HS6ST3: variants seen among roughly 807,000 people sequenced by gnomAD.
The protein encoded by HS6ST3 is heparan-sulfate 6-O-sulfotransferase 3.
Under a neutral mutation model 36.7 loss-of-function variants are expected in HS6ST3, and 12 were observed. The observed-to-expected ratio is 0.33, with a 90% CI of 0.21 to 0.53. The LOEUF is 0.53. Ranked by LOEUF, HS6ST3 falls within the 20% of genes least tolerant of loss-of-function variation. HS6ST3 has a pLI of 0.95. For missense variants in HS6ST3, 584 were observed against 640.9 expected (o/e 0.91, Z 0.96); for synonymous variants, 240 against 257.5 (o/e 0.93, Z 0.65).
At chr13:96,228,510 C>T (rs1159451190) in intron 1 of HS6ST3, among the ~76,000 whole-genome samples, 1 of 152,184 alleles carries the variant, frequency 6.6e-6, no homozygotes, top group Non-Finnish European at 1.5e-5. Flanking sequence ...AAGTGATCCG[C>T]CTGTCTCGAC....
intron 1 of HS6ST3, among the ~76,000 whole-genome samples, chr13:96,810,625 G>A (rs968852118): frequency 2.0e-5 from 3 of 152,190 alleles, no homozygotes; most frequent in African/African-American, 7.2e-5. Flanking sequence ...TCAAGTAAGT[G>A]GTGTCAAAGC....
chr13:96,348,128 C>A (rs1594759469), intron 1 of HS6ST3, among the ~76,000 whole-genome samples: 1 of 152,174 alleles, frequency 6.6e-6, no homozygotes, highest in South Asian at 2.1e-4. Flanking sequence ...AGGTACTTGC[C>A]CTAGCAAAGC....
intron 1 of HS6ST3, among the ~76,000 whole-genome samples, chr13:96,178,042 G>T (rs2054220851): frequency 6.6e-6 from 1 of 152,072 alleles, no homozygotes; most frequent in African/African-American, 2.4e-5. Flanking sequence ...TTATCTTTTA[G>T]AGATGTATAA....
chr13:96,359,867 G>A (rs2055228908), intron 1 of HS6ST3, among the ~76,000 whole-genome samples: 1 of 152,184 alleles, frequency 6.6e-6, no homozygotes, highest in African/African-American at 2.4e-5. Flanking sequence ...TTTCCAGCAG[G>A]AGTTGAAGGG....
chr13:96,771,745 G>C (rs939774049), intron 1 of HS6ST3, among the ~76,000 whole-genome samples: 2 of 152,096 alleles, frequency 1.3e-5, no homozygotes, highest in African/African-American at 4.8e-5. Context: ...GACTGCTTTT[G>C]ATACTCATAA....
Position 96,832,759 on chromosome 13 carries a change from C to A in HS6ST3, c.977C>A (p.Thr326Asn). The A allele has an allele frequency of 6.2e-7, 1 of 1,614,152 alleles. No homozygotes were observed. Residue 326 changes from threonine to asparagine, a missense_variant, in exon 2 of 2, where the codon ACT becomes AAT. Thr to Asn is a moderately conservative substitution (Grantham distance 65). Coordinates refer to ENST00000376705, the MANE Select transcript of HS6ST3 (RefSeq NM_153456.4). Reference protein sequence around the residue: ...DLSLVGCYNLTFMNESERNTI... With the variant: ...DLSLVGCYNLNFMNESERNTI... ...AGCCTGGTGGGCTGCTATAACTTGA[C>A]TTTCATGAACGAGAGTGAAAGAAAC...
chr13:96,575,844 TC>T (rs2056318709), intron 1 of HS6ST3, among the ~76,000 whole-genome samples: 1 of 152,204 alleles, frequency 6.6e-6, no homozygotes, highest in Admixed American at 6.5e-5. Context: ...GAAAACATTG[TC>T]ACAAAGGCAC....
At chr13:96,123,385 G>T (rs192406831) in intron 1 of HS6ST3, among the ~76,000 whole-genome samples, 2 of 152,306 alleles carry the variant, frequency 1.3e-5, no homozygotes, top group African/African-American at 4.8e-5. Flanking sequence ...TGAGTAAAAA[G>T]TATCCAGATT....
chr13:96,282,526 C>A (rs921621406), intron 1 of HS6ST3, among the ~76,000 whole-genome samples: 1 of 152,114 alleles, frequency 6.6e-6, no homozygotes, highest in African/African-American at 2.4e-5. Flanking sequence ...TGGCCTTACC[C>A]AAAGTTGTTC....
chr13:96,285,885 C>T (rs1374303087), intron 1 of HS6ST3, among the ~76,000 whole-genome samples: 1 of 151,382 alleles, frequency 6.6e-6, no homozygotes, highest in South Asian at 2.1e-4. Flanking sequence ...CTTTTCCTCT[C>T]TCTCTCCCTC....
At chr13:96,116,720 T>G (rs142999651) in intron 1 of HS6ST3, among the ~76,000 whole-genome samples, 1 of 152,192 alleles carries the variant, frequency 6.6e-6, no homozygotes, top group African/African-American at 2.4e-5. Flanking sequence ...AAATTTCCAA[T>G]GAATGCCTGA....
intron 1 of HS6ST3, among the ~76,000 whole-genome samples, chr13:96,398,349 C>A: frequency 6.6e-6 from 1 of 152,168 alleles, no homozygotes; most frequent in East Asian, 1.9e-4. Flanking sequence ...GTGGCATGAT[C>A]TCAGTTCACT....
At chr13:96,327,493 T>C (rs1178121209) in intron 1 of HS6ST3, among the ~76,000 whole-genome samples, 2 of 152,016 alleles carry the variant, frequency 1.3e-5, no homozygotes, top group African/African-American at 4.8e-5. Flanking sequence ...TAGTTGTAGA[T>C]ATGTGGCGTT....
At chr13:96,346,117 G>A (rs1594758942) in intron 1 of HS6ST3, among the ~76,000 whole-genome samples, 1 of 152,298 alleles carries the variant, frequency 6.6e-6, no homozygotes, top group African/African-American at 2.4e-5. Context: ...CTCACCTCCT[G>A]CTGTGCAGCC....
intron 1 of HS6ST3, among the ~76,000 whole-genome samples, chr13:96,697,868 G>A (rs1875173162): frequency 6.6e-6 from 1 of 152,036 alleles, no homozygotes. Context: ...GAAGACAACG[G>A]TACAATGCCT....
chr13:96,449,249 A>G (rs537309690), intron 1 of HS6ST3, among the ~76,000 whole-genome samples: 13 of 152,312 alleles, frequency 8.5e-5, no homozygotes, highest in Admixed American at 4.6e-4. Context: ...GGCTTGAGCC[A>G]CTGTGCCTGG....
At chr13:96,655,650 CT>C (rs2056622174) in intron 1 of HS6ST3, among the ~76,000 whole-genome samples, 3 of 152,042 alleles carry the variant, frequency 2.0e-5, no homozygotes, top group Non-Finnish European at 4.4e-5. Context: ...ACAAAAGTCA[CT>C]ACTGTTTAGT....
intron 1 of HS6ST3, among the ~76,000 whole-genome samples, chr13:96,214,544 T>C (rs1337010555): frequency 1.3e-5 from 2 of 152,216 alleles, no homozygotes; most frequent in Non-Finnish European, 2.9e-5. Flanking sequence ...CCCAAACTAG[T>C]ATTTGAAAGT....
chr13:96,629,806 T>G (rs1478320673), intron 1 of HS6ST3, among the ~76,000 whole-genome samples: 1 of 152,196 alleles, frequency 6.6e-6, no homozygotes, highest in Non-Finnish European at 1.5e-5. Flanking sequence ...TTTTCAATGA[T>G]TTGCTACCAT....
Sources: allele counts gnomAD v4.1 joint callset (sites outside exome capture counted in the v4.1 genomes callset), GRCh38; gene constraint gnomAD v4.1.1; transcripts MANE v1.5; gene names NCBI Gene and HGNC (gene_info 2026-07-23, HGNC 2026-07-21).